RAB5B: variants seen among roughly 807,000 people sequenced by gnomAD.
The protein encoded by RAB5B is RAB5B, member RAS oncogene family, also known as ras-related protein Rab-5B.
Under a neutral mutation model 28.6 loss-of-function variants are expected in RAB5B, and 11 were observed. The ratio of observed to expected loss-of-function variants is 0.38; its 90% CI spans 0.24 to 0.64. The LOEUF (loss-of-function observed/expected upper bound fraction) is 0.64. Among genes scored for constraint, RAB5B ranks in the 30% least tolerant of loss-of-function variants. The pLI, the probability that RAB5B is intolerant of heterozygous loss-of-function variation, is 0.53. For synonymous variants in RAB5B, 93 were observed against 97.9 expected (o/e 0.95, Z 0.29); for missense variants, 169 against 265.6 (o/e 0.64, Z 2.53).
chr12:55,992,036 A>G (rs1193349729), intron 5 of RAB5B, 61 bp from the exon 6 acceptor site: 13 of 1,319,126 alleles, frequency 9.9e-6, no homozygotes, highest in Non-Finnish European at 1.4e-5. Flanking sequence ...TGGCGGGTGG[A>G]GGCAGAGGGG....
chr12:55,995,035 T>C lies in RAB5B; in HGVS notation c.*2823T>C, dbSNP rs1890246241. The C allele has an allele frequency of 6.6e-6, 1 of 152,098 alleles. No individual in the cohort carries two copies. Among genetic ancestry groups the C allele is most frequent in the South Asian group, 2.1e-4 (1 of 4,830 alleles). The allele number at this position is 152,098 out of a possible 1,614,324, so 9.4% of individuals were successfully genotyped here. On this transcript the variant is annotated 3_prime_UTR_variant, in exon 6 of 6. Transcript: ENST00000360299. ...ATGGTCTGTGGATCTTTGGGCCCAC[T>C]GATCAGATTAGAGAGAGGGGTGCTA...
chr12:55,989,919 A>G (rs760418956), intron 2 of RAB5B, 28 bp from the exon 3 acceptor site: 6 of 1,599,068 alleles, frequency 3.8e-6, no homozygotes, highest in East Asian at 2.2e-5. Context: ...CACTTACAGC[A>G]TCTTCCCCTC....
At chr12:55,981,133 G>T (rs192248641) in intron 1 of RAB5B, 1 of 1,008,946 alleles carries the variant, frequency 9.9e-7, no homozygotes, top group East Asian at 2.5e-5. Flanking sequence ...GTGTGATCTC[G>T]GCTCACTGCT....
At chr12:55,977,461 A>T (rs1889678362) in intron 1 of RAB5B, among the ~76,000 whole-genome samples, 1 of 152,132 alleles carries the variant, frequency 6.6e-6, no homozygotes, top group African/African-American at 2.4e-5. Flanking sequence ...ATCTTTTAAA[A>T]TTTTTTTCCT....
Position 55,990,711 on chromosome 12 carries a change from G to A in RAB5B, c.345G>A (p.Val115=). The part of the protein sequence containing the change: ...QETFARAKTW[V]KELQRQASPS... ...CCTTTGCCCGAGCAAAGACATGGGT[G>A]AAGGAACTACAGCGACAGGCCAGTC... Residue 115 remains valine (V), a synonymous_variant, in exon 4 of 6, where the codon GTG becomes GTA. Coordinates refer to ENST00000360299, the MANE Select transcript of RAB5B (RefSeq NM_002868.4). 1.2e-6 allele frequency: 2 copies of A among 1,614,030 alleles called. No individual in the cohort carries two copies. The highest frequency in any genetic ancestry group is 1.7e-6 in the Non-Finnish European group (2 of 1,179,908).
chr12:55,988,935 CTTTTT>C lies in RAB5B; in HGVS notation c.164-993_164-989del, dbSNP rs35994383. On this transcript the variant is annotated intron_variant, in intron 2 of 5. Transcript: ENST00000360299. ...AAGCTTTAAAATCTTCTAATTAATT[CTTTTT>C]TTTTTTTTTTTTTTTTTTGGATACT... Among the ~76,000 whole-genome samples, 381 of 94,672 alleles carry C rather than the reference CTTTTT, an allele frequency of 4.0e-3. 1 individual carries two copies. The highest frequency in any genetic ancestry group is 0.012 in the African/African-American group (300 of 25,786). 62.1% of individuals were successfully genotyped at this position (94,672 alleles called of 152,430 possible). A position where few individuals can be genotyped will look rare whatever the true frequency, so the allele number is the denominator to read the frequency against.
chr12:55,980,983 C>T (rs554101353), intron 1 of RAB5B: 15 of 1,613,776 alleles, frequency 9.3e-6, no homozygotes, highest in Admixed American at 8.3e-5. Context: ...TGCCCACCCC[C>T]GAGTCCCCGA....
intron 3 of RAB5B, 34 bp downstream of exon 3, chr12:55,990,132 G>GAGCAAA: frequency 6.3e-7 from 1 of 1,589,036 alleles, no homozygotes; most frequent in Non-Finnish European, 8.6e-7. Flanking sequence ...CTTGTTGGCT[G>GAGCAAA]GACATGGTGG....
At chr12:55,983,167 C>T (rs183181324) in intron 1 of RAB5B, among the ~76,000 whole-genome samples, 4 of 152,232 alleles carry the variant, frequency 2.6e-5, no homozygotes, top group African/African-American at 9.6e-5. Context: ...CAACCTCCGC[C>T]CTCTGGGTTC....
At chr12:55,989,908 C>G in intron 2 of RAB5B, 39 bp from the exon 3 acceptor site, 1 of 1,587,804 alleles carries the variant, frequency 6.3e-7, no homozygotes, top group Non-Finnish European at 8.6e-7. Flanking sequence ...ATTCATCCTC[C>G]CACTTACAGC....
rs1196105186 is a variant in RAB5B, at chr12:55,993,451, T to C, written c.*1239T>C. 1 of 152,592 alleles carries C rather than the reference T, an allele frequency of 6.6e-6. No individual in the cohort carries two copies. Among genetic ancestry groups the C allele is most frequent in the Non-Finnish European group, 1.5e-5 (1 of 68,028 alleles). The allele number at this position is 152,592 out of a possible 1,614,324, so 9.5% of individuals were successfully genotyped here. A position where few individuals can be genotyped will look rare whatever the true frequency, so the allele number is the denominator to read the frequency against. ...GAATTAATTGAGCAATTGAGGAGTG[T>C]CTCAGGATAGCACAGGCCAAGGTAG... On this transcript the variant is annotated 3_prime_UTR_variant, in exon 6 of 6. Transcript: ENST00000360299.
rs998058180 is a variant in RAB5B at position 55,994,653 on chromosome 12, G to A, written c.*2441G>A. 7.9e-5 allele frequency: 12 copies of A among 152,236 alleles called. No homozygotes were observed. The highest frequency in any genetic ancestry group is 2.6e-4 in the Admixed American group (4 of 15,222). The allele number at this position is 152,236 out of a possible 1,614,324, so 9.4% of individuals were successfully genotyped here. On this transcript the variant is annotated 3_prime_UTR_variant, in exon 6 of 6. Transcript: ENST00000360299. The stretch of plus-strand genomic sequence containing the variant: ...CATAACAATCGTGGTAACAGAATGC[G>A]ACTGCTGATTTACCGATGTATTTAA...
chr12:55,975,210 G>T (rs570995223), intron 1 of RAB5B, among the ~76,000 whole-genome samples: 1 of 152,162 alleles, frequency 6.6e-6, no homozygotes. Flanking sequence ...GAGATCTTCT[G>T]ATCATAGTTG....
intron 3 of RAB5B, 110 bp from the exon 4 acceptor site, chr12:55,990,572 C>A: frequency 1.5e-6 from 2 of 1,357,734 alleles, no homozygotes; most frequent in Non-Finnish European, 2.0e-6. Context: ...CCTGTGGTTT[C>A]ACTGAGGGAA....
rs1318945410 is a variant in RAB5B, at chr12:55,995,960, T to A, written c.*3748T>A. 3 of 132,918 alleles carry A rather than the reference T, an allele frequency of 2.3e-5. No individual in the cohort carries two copies. The highest frequency in any genetic ancestry group is 4.8e-5 in the Non-Finnish European group (3 of 63,074). 8.2% of individuals were successfully genotyped at this position (132,918 alleles called of 1,614,324 possible). A position where few individuals can be genotyped will look rare whatever the true frequency, so the allele number is the denominator to read the frequency against. On this transcript the variant is annotated 3_prime_UTR_variant, in exon 6 of 6. Transcript: ENST00000360299. ...TTCTCCCTCTCTCTCTCTCTCTCAC[T>A]CTCTCTCTCTCCATATATATATACA...
chr12:55,975,862 C>T (rs888430648), intron 1 of RAB5B, among the ~76,000 whole-genome samples: 2 of 148,136 alleles, frequency 1.4e-5, no homozygotes, highest in South Asian at 2.1e-4. Context: ...AGAGATTCTC[C>T]TGCCTCAGCC....
At position 55,996,003 on chromosome 12, in the gene RAB5B, A is replaced by ATATATATATATATTTT; in HGVS notation, c.*3792_*3793insATATATATATATTTTT. The ATATATATATATATTTT allele has an allele frequency of 1.0e-3, 100 of 97,368 alleles. No individual in the cohort carries two copies. The highest frequency in any genetic ancestry group is 1.5e-3 in the Non-Finnish European group (76 of 50,452). The allele number at this position is 97,368 out of a possible 1,614,324, so 6.0% of individuals were successfully genotyped here. A position where few individuals can be genotyped will look rare whatever the true frequency, so the allele number is the denominator to read the frequency against. ...TATATACATATATATATATATATAT[A>ATATATATATATATTTT]TTTTTTTTTTAACAACTGGTAGGAT... is the stretch of plus-strand genomic sequence containing the variant. On this transcript the variant is annotated 3_prime_UTR_variant, in exon 6 of 6. Coordinates refer to ENST00000360299, the MANE Select transcript of RAB5B (RefSeq NM_002868.4).
At chr12:55,982,244 CA>C (rs62786060) in intron 1 of RAB5B, among the ~76,000 whole-genome samples, 11,208 of 114,992 alleles carry the variant, frequency 0.097, 1,212 homozygotes, top group African/African-American at 0.32. Context: ...ACTGGTTTAC[CA>C]AAAAAAAAAA....
chr12:55,980,292 T>C (rs1377405943), intron 1 of RAB5B: 4 of 705,984 alleles, frequency 5.7e-6, no homozygotes. Context: ...TTTCTCCTTT[T>C]TCTCCTCATT....
Sources: allele counts gnomAD v4.1 joint callset (sites outside exome capture counted in the v4.1 genomes callset), GRCh38; gene constraint gnomAD v4.1.1; transcripts MANE v1.5; gene names NCBI Gene and HGNC (gene_info 2026-07-23, HGNC 2026-07-21).